The following AK9 variants were observed in gnomAD, a reference collection of about 807,000 sequenced individuals.
AK9 encodes the protein adenylate kinase 9.
In AK9, 191 loss-of-function variants were observed where a neutral mutation model predicts 239.6. The observed-to-expected ratio is 0.80, with a 90% CI of 0.71 to 0.90. The LOEUF is 0.90. Ranked by LOEUF, AK9 falls within the 40% of genes least tolerant of loss-of-function variation. The pLI is 0.00. For missense variants in AK9, 1,995 were observed against 2,214.7 expected (o/e 0.90, Z 1.99); for synonymous variants, 689 against 721.0 (o/e 0.96, Z 0.71).
intron 1 of AK9, among the ~76,000 whole-genome samples, chr6:109,680,797 T>G (rs527417428): frequency 6.6e-5 from 10 of 152,282 alleles, no homozygotes; most frequent in Non-Finnish European, 8.8e-5. Context: ...GGGGCCAATA[T>G]TCAACATTCT....
At chr6:109,591,952 T>C (rs1010843197) in intron 17 of AK9, among the ~76,000 whole-genome samples, 1 of 152,142 alleles carries the variant, frequency 6.6e-6, no homozygotes, top group Non-Finnish European at 1.5e-5. Context: ...ATTTTCAATG[T>C]GAAAATAAAG....
intron 29 of AK9, among the ~76,000 whole-genome samples, chr6:109,517,046 T>C (rs890207006): frequency 4.6e-5 from 7 of 152,172 alleles, no homozygotes; most frequent in Admixed American, 3.9e-4. Flanking sequence ...CTTTGGATGA[T>C]GGCTTTCTCA....
At position 109,569,873 on chromosome 6, in the gene AK9, G is replaced by A. The variant is rs182666612; in HGVS notation, c.2344+3569C>T. Reference sequence around the variant, plus strand: ...CAACCATTGTGGAAGACAATGGGGCGATTCCTCAAGGATCTAGAACTAGAA... The same window carrying A: ...CAACCATTGTGGAAGACAATGGGGCAATTCCTCAAGGATCTAGAACTAGAA... On this transcript the variant is annotated intron_variant, in intron 21 of 40. Coordinates refer to ENST00000424296, the MANE Select transcript of AK9 (RefSeq NM_001145128.3). Among the ~76,000 whole-genome samples, 415 of 152,264 alleles carry A rather than the reference G, an allele frequency of 2.7e-3. 4 individuals carry two copies. In the Middle Eastern group the frequency reaches 0.037, roughly 14 times the overall value.
intron 6 of AK9, among the ~76,000 whole-genome samples, chr6:109,661,127 T>C (rs180886725): frequency 1.3e-5 from 2 of 152,312 alleles, no homozygotes; most frequent in East Asian, 3.9e-4. Context: ...ATCCAAAAAA[T>C]GTGTGTTGCA....
chr6:109,588,269 C>G (rs1291595072), intron 17 of AK9, among the ~76,000 whole-genome samples: 1 of 152,104 alleles, frequency 6.6e-6, no homozygotes, highest in Non-Finnish European at 1.5e-5. Flanking sequence ...CGGGGTTTCA[C>G]CGTGTTAGCC....
chr6:109,661,151 C>T (rs1410827604), intron 6 of AK9, among the ~76,000 whole-genome samples: 1 of 152,164 alleles, frequency 6.6e-6, no homozygotes, highest in East Asian at 1.9e-4. Flanking sequence ...AATTCTGTCT[C>T]ACATTAAGCC....
intron 28 of AK9, 36 bp from the exon 29 acceptor site, chr6:109,529,109 A>C (rs748450932): frequency 6.5e-7 from 1 of 1,527,284 alleles, no homozygotes; most frequent in South Asian, 1.4e-5. Context: ...ATTGTAATGG[A>C]GAATGATAAA....
At chr6:109,577,616 T>C (rs989394229) in intron 20 of AK9, among the ~76,000 whole-genome samples, 2 of 152,124 alleles carry the variant, frequency 1.3e-5, no homozygotes, top group African/African-American at 4.8e-5. Flanking sequence ...GTCCTGGACC[T>C]TTTCTTGTTG....
chr6:109,516,275 T>C (rs1183514491), intron 30 of AK9, among the ~76,000 whole-genome samples, 155 bp downstream of exon 30: 2 of 152,216 alleles, frequency 1.3e-5, no homozygotes, highest in Non-Finnish European at 2.9e-5. Flanking sequence ...ATTTATGGAC[T>C]TATTGCATAA....
chr6:109,499,949 C>T (rs1039047998), intron 35 of AK9, among the ~76,000 whole-genome samples: 2 of 151,684 alleles, frequency 1.3e-5, no homozygotes, highest in African/African-American at 4.8e-5. Context: ...ACTGTATAAA[C>T]ATACATGTAG....
At chr6:109,544,830 T>C (rs1783327748) in intron 26 of AK9, among the ~76,000 whole-genome samples, 1 of 152,202 alleles carries the variant, frequency 6.6e-6, no homozygotes, top group Non-Finnish European at 1.5e-5. Flanking sequence ...TGGGGCAGAT[T>C]TTTATGCTAT....
At chr6:109,522,173 A>T (rs768072521) in intron 29 of AK9, among the ~76,000 whole-genome samples, 18 of 152,052 alleles carry the variant, frequency 1.2e-4, no homozygotes, top group Non-Finnish European at 1.9e-4. Flanking sequence ...TCCTTTGTAG[A>T]TATCCTTTTA....
chr6:109,595,702 T>G (rs11153197), intron 17 of AK9, among the ~76,000 whole-genome samples: 88,480 of 151,908 alleles, frequency 0.58, 27,440 homozygotes, highest in East Asian at 0.84. Context: ...TCCTTTGCAG[T>G]GACATGGATG....
At chr6:109,560,782 T>C (rs533192069) in intron 24 of AK9, among the ~76,000 whole-genome samples, 3 of 152,180 alleles carry the variant, frequency 2.0e-5, no homozygotes, top group African/African-American at 7.2e-5. Flanking sequence ...GCTGATCTCA[T>C]AGAATGACTA....
At chr6:109,514,500 CAT>C in intron 31 of AK9, 63 bp from the exon 32 acceptor site, 1 of 1,343,962 alleles carries the variant, frequency 7.4e-7, no homozygotes, top group Non-Finnish European at 1.0e-6. Flanking sequence ...TTCCCTGAAA[CAT>C]ATTTGAAAAA....
At chr6:109,640,251 G>A (rs1797234976) in intron 10 of AK9, among the ~76,000 whole-genome samples, 1 of 152,204 alleles carries the variant, frequency 6.6e-6, no homozygotes, top group Non-Finnish European at 1.5e-5. Flanking sequence ...GCATGCAATA[G>A]TAACTCCTGG....
At chr6:109,639,710 T>G (rs1797159097) in intron 10 of AK9, among the ~76,000 whole-genome samples, 1 of 152,226 alleles carries the variant, frequency 6.6e-6, no homozygotes, top group African/African-American at 2.4e-5. Flanking sequence ...GTTTTAGTCA[T>G]GAAGTCCTTG....
At chr6:109,541,718 A>C (rs370873345) in intron 27 of AK9, among the ~76,000 whole-genome samples, 2 of 152,220 alleles carry the variant, frequency 1.3e-5, no homozygotes, top group African/African-American at 2.4e-5. Flanking sequence ...CCCTACAATA[A>C]ATTTTAATGG....
chr6:109,550,810 A>G (rs1401335425), intron 24 of AK9, among the ~76,000 whole-genome samples: 1 of 152,246 alleles, frequency 6.6e-6, no homozygotes, highest in Non-Finnish European at 1.5e-5. Context: ...TATGATAAAG[A>G]AAATATTGCA....
Sources: allele counts gnomAD v4.1 joint callset (sites outside exome capture counted in the v4.1 genomes callset), GRCh38; gene constraint gnomAD v4.1.1; transcripts MANE v1.5; gene names NCBI Gene and HGNC (gene_info 2026-07-23, HGNC 2026-07-21).